The following KCNN1 variants were observed in gnomAD, a reference collection of about 807,000 sequenced individuals.
KCNN1 encodes small conductance calcium-activated potassium channel protein 1.
A neutral mutation model predicts 44.7 loss-of-function variants in KCNN1; 20 were observed. The observed-to-expected ratio is 0.45, with a 90% CI of 0.32 to 0.65. The LOEUF (loss-of-function observed/expected upper bound fraction) is 0.65. Among genes scored for constraint, KCNN1 ranks in the 30% least tolerant of loss-of-function variants. The pLI, the probability that KCNN1 is intolerant of heterozygous loss-of-function variation, is 0.05. For missense variants in KCNN1, 632 were observed against 785.3 expected (o/e 0.80, Z 2.33); for synonymous variants, 324 against 341.7 (o/e 0.95, Z 0.57).
At chr19:17,996,492 G>C (rs1176216535) in intron 9 of KCNN1, among the ~76,000 whole-genome samples, 1 of 152,176 alleles carries the variant, frequency 6.6e-6, no homozygotes, top group Admixed American at 6.5e-5. Context: ...TGTAATCTCA[G>C]CTACTTGGGA....
chr19:17,974,161 C>A lies in KCNN1; in HGVS notation c.273C>A (p.His91Gln), dbSNP rs1230107670. The part of the protein sequence containing the change: ...RASGKPSNVG[H>Q]RLGHRRALFE... ...CGGGGAAACCCTCAAATGTGGGCCA[C>A]CGCCTGGGCCACCGGCGGGCGCTCT... is the stretch of plus-strand genomic sequence containing the variant. Residue 91 changes from histidine (H) to glutamine (Q), a missense_variant, in exon 2 of 10, where the codon CAC becomes CAA. Transcript: ENST00000684775. The surrounding 1 kb of genome is among the most constrained non-coding windows in gnomAD (Gnocchi z 7.3). 1 of 1,613,680 alleles carries A rather than the reference C, an allele frequency of 6.2e-7. No individual in the cohort carries two copies. Among genetic ancestry groups the A allele is most frequent in the Admixed American group, 1.7e-5 (1 of 60,028 alleles).
intron 4 of KCNN1, among the ~76,000 whole-genome samples, chr19:17,984,588 C>T (rs1291961956): frequency 1.3e-5 from 2 of 152,108 alleles, no homozygotes; most frequent in Non-Finnish European, 2.9e-5. Flanking sequence ...ATCCTAGAGC[C>T]ACCCCCAGAC....
rs763193046 is a variant in KCNN1 at position 17,989,881 on chromosome 19, C to T, written c.1298+38C>T. 3.7e-6 allele frequency: 6 copies of T among 1,610,390 alleles called. No individual in the cohort carries two copies. In the Admixed American group the frequency reaches 8.5e-5, roughly 23 times the overall value. On this transcript the variant is annotated intron_variant, in intron 7 of 9. Coordinates refer to ENST00000684775, the MANE Select transcript of KCNN1 (RefSeq NM_001386974.1). The stretch of plus-strand genomic sequence containing the variant: ...CCTTTCCAGCTCACGTTTCTGTGTC[C>T]ACATGGCGCGGAGGCAGCCCTCGCA...
chr19:17,980,369 A>G (rs560735059), intron 3 of KCNN1, among the ~76,000 whole-genome samples: 56 of 150,202 alleles, frequency 3.7e-4, no homozygotes, highest in African/African-American at 1.2e-3. Flanking sequence ...GGCAGGAGCC[A>G]CTGCACCCAT....
At chr19:17,997,550 C>T (rs937962404) in intron 9 of KCNN1, among the ~76,000 whole-genome samples, 5 of 152,174 alleles carry the variant, frequency 3.3e-5, no homozygotes, top group East Asian at 3.9e-4. Context: ...GTCACTCAGG[C>T]GCACTGAAAC....
rs368157680 is a variant in KCNN1 at position 17,998,120 on chromosome 19, G to T, written c.1378-32G>T. The T allele has an allele frequency of 1.3e-6, 2 of 1,544,170 alleles. No homozygotes were observed. The highest frequency in any genetic ancestry group is 8.7e-7 in the Non-Finnish European group (1 of 1,145,684). ...GTCCTTTCCTCTCTCACTCAGCGGC[G>T]CCTCTCTCCTGCCCCTCTCTGTCTC... is the stretch of plus-strand genomic sequence containing the variant. On this transcript the variant is annotated intron_variant, in intron 9 of 9. Coordinates refer to ENST00000684775, the MANE Select transcript of KCNN1 (RefSeq NM_001386974.1). The surrounding 1 kb of genome is among the most constrained non-coding windows in gnomAD (Gnocchi z 5.4).
At chr19:17,970,690 T>C (rs566221655) in intron 1 of KCNN1, among the ~76,000 whole-genome samples, 25 of 151,176 alleles carry the variant, frequency 1.7e-4, no homozygotes, top group Non-Finnish European at 2.5e-4. Flanking sequence ...CCTCCCAAAG[T>C]GCTGGAATTA....
At chr19:17,988,846 G>A (rs1378057097) in intron 6 of KCNN1, among the ~76,000 whole-genome samples, 6 of 151,934 alleles carry the variant, frequency 3.9e-5, no homozygotes, top group Non-Finnish European at 7.4e-5. Flanking sequence ...GGGAAGCAGA[G>A]GCTGCAATAA....
chr19:17,963,205 G>A (rs1247620441), upstream of KCNN1, among the ~76,000 whole-genome samples: 1 of 151,490 alleles, frequency 6.6e-6, no homozygotes, highest in Non-Finnish European at 1.5e-5. Context: ...AGTAAAGACG[G>A]GGTTTCACCG....
At chr19:17,975,834 G>C (rs999765182) in intron 3 of KCNN1, among the ~76,000 whole-genome samples, 2 of 152,026 alleles carry the variant, frequency 1.3e-5, no homozygotes, top group African/African-American at 4.8e-5. Flanking sequence ...ACAGCCTCCC[G>C]AGTAGCTGGG....
At chr19:17,990,710 G>A (rs2032758664) in intron 7 of KCNN1, among the ~76,000 whole-genome samples, 1 of 148,896 alleles carries the variant, frequency 6.7e-6, no homozygotes, top group Non-Finnish European at 1.5e-5. Flanking sequence ...TGAGGCAGGA[G>A]AATGGCATGA....
At chr19:17,976,506 C>A (rs1027615384) in intron 3 of KCNN1, among the ~76,000 whole-genome samples, 2 of 151,332 alleles carry the variant, frequency 1.3e-5, no homozygotes, top group African/African-American at 4.9e-5. Flanking sequence ...GCAACCTACG[C>A]CTCCTGGGTT....
Position 17,974,402 on chromosome 19 carries a change from G to T in KCNN1, c.402+112G>T, listed in dbSNP as rs368690078. On this transcript the variant is annotated intron_variant, in intron 2 of 9. Transcript: ENST00000684775. The surrounding 1 kb of genome is among the most constrained non-coding windows in gnomAD (Gnocchi z 7.3). ...CCCCCGGGAGATAGGGAGTGTTAGG[G>T]GGCTCCCGGAGGTGAGGGCTCCCTG... is the stretch of plus-strand genomic sequence containing the variant. 4 of 1,266,422 alleles carry T rather than the reference G, an allele frequency of 3.2e-6. No individual in the cohort carries two copies. The highest frequency in any genetic ancestry group is 2.2e-4 in the Middle Eastern group (1 of 4,454). 78.4% of individuals were successfully genotyped at this position (1,266,422 alleles called of 1,614,324 possible).
At chr19:17,990,529 G>A (rs1366299780) in intron 7 of KCNN1, among the ~76,000 whole-genome samples, 9 of 151,556 alleles carry the variant, frequency 5.9e-5, no homozygotes, top group South Asian at 2.1e-4. Flanking sequence ...GGCCGGGCGC[G>A]GTGGCTCACG....
chr19:17,996,298 T>C (rs2032991935), intron 9 of KCNN1, among the ~76,000 whole-genome samples: 1 of 151,664 alleles, frequency 6.6e-6, no homozygotes, highest in African/African-American at 2.4e-5. Context: ...AGAGCAAGAC[T>C]CTGTCTCTAA....
At position 17,993,353 on chromosome 19, in the gene KCNN1, C is replaced by A; in HGVS notation, c.1308-137C>A. On this transcript the variant is annotated intron_variant, in intron 8 of 9. Transcript: ENST00000684775. The surrounding 1 kb of genome is among the most constrained non-coding windows in gnomAD (Gnocchi z 4.5). ...TGGGAGGGAATAGACTACAGGGAAT[C>A]GGCCTCCCAACTCCCACCTCATCCT... 1 of 720,892 alleles carries A rather than the reference C, an allele frequency of 1.4e-6. No individual in the cohort carries two copies. The highest frequency in any genetic ancestry group is 2.5e-6 in the Non-Finnish European group (1 of 407,678). 44.7% of individuals were successfully genotyped at this position (720,892 alleles called of 1,614,324 possible).
chr19:17,951,705 C>T (rs1174913743), intron 1 of KCNN1, among the ~76,000 whole-genome samples: 1 of 152,204 alleles, frequency 6.6e-6, no homozygotes, highest in Non-Finnish European at 1.5e-5. Flanking sequence ...CAGGCTCCCC[C>T]TTCCTAGCTG....
intron 5 of KCNN1, among the ~76,000 whole-genome samples, chr19:17,986,869 C>T (rs1283738259): frequency 6.6e-6 from 1 of 152,198 alleles, no homozygotes; most frequent in African/African-American, 2.4e-5. Flanking sequence ...TGCAACGGCA[C>T]GATCCCAGCT....
chr19:17,957,628 G>A (rs1183247369), intron 2 of KCNN1, among the ~76,000 whole-genome samples: 2 of 152,130 alleles, frequency 1.3e-5, no homozygotes, highest in Non-Finnish European at 2.9e-5. Flanking sequence ...ACAGTGAGGA[G>A]GCTGCTGTGG....
Sources: gnomAD v4.1 joint callset for allele counts (sites outside exome capture counted in the v4.1 genomes callset) on GRCh38, gnomAD v4.1.1 for gene constraint, Gnocchi (gnomAD v3.1) non-coding constraint, MANE v1.5 for transcripts, NCBI Gene and HGNC (gene_info 2026-07-23, HGNC 2026-07-21) for gene names.